Variants in SLF2 observed in about 807,000 individuals in gnomAD.
SLF2 encodes SMC5/6 complex localization factor 2.
SLF2 carries 68 observed loss-of-function variants against 124.3 expected under a neutral mutation model. That is an observed-to-expected ratio of 0.55 (90% CI 0.45 to 0.67). SLF2 has a LOEUF of 0.67. Among genes scored for constraint, SLF2 ranks in the 30% least tolerant of loss-of-function variants. The probability of loss-of-function intolerance (pLI) is 0.00; values close to 1 mark genes in which losing one functional copy is unlikely to be tolerated. For synonymous variants in SLF2, 480 were observed against 478.8 expected (o/e 1.00, Z -0.03); for missense variants, 1,246 against 1,373.7 (o/e 0.91, Z 1.47).
chr10:100,953,476 T>A (rs913586547), intron 17 of SLF2, among the ~76,000 whole-genome samples: 6 of 150,182 alleles, frequency 4.0e-5, no homozygotes, highest in South Asian at 2.1e-4. Context: ...AAAAAAAAAA[T>A]TTAGTGATTA....
intron 7 of SLF2, among the ~76,000 whole-genome samples, 154 bp from the exon 8 acceptor site, chr10:100,929,676 A>T (rs930596295): frequency 1.3e-5 from 2 of 152,224 alleles, no homozygotes; most frequent in Non-Finnish European, 2.9e-5. Context: ...CAACTACAAA[A>T]AGTGGAAGAA....
chr10:100,916,570 A>T lies in SLF2; in HGVS notation c.185A>T (p.Asp62Val). ...IDFFKPASKQ[D>V]RHMLDSPQKS... ...GTATGTGTTTTAATTGGCTATTTAG[A>T]CAGACACATGTTGGATTCACCACAA... Residue 62 changes from aspartate (D) to valine (V), a missense_variant and splice_region_variant, in exon 3 of 20, where the codon GAC (aspartate) becomes GTC (valine). Coordinates refer to ENST00000238961, the MANE Select transcript of SLF2 (RefSeq NM_018121.4). The T allele has an allele frequency of 7.4e-7, 1 of 1,349,736 alleles. No homozygotes were observed. Among genetic ancestry groups the T allele is most frequent in the Non-Finnish European group, 9.6e-7 (1 of 1,043,398 alleles). 83.6% of individuals were successfully genotyped at this position (1,349,736 alleles called of 1,614,324 possible).
chr10:100,956,317 T>G (rs1196525880), intron 17 of SLF2, 134 bp from the exon 18 acceptor site: 2 of 626,040 alleles, frequency 3.2e-6, no homozygotes, highest in Non-Finnish European at 5.5e-6. Context: ...ACTGTTACGT[T>G]GAATAGTTAA....
intron 17 of SLF2, among the ~76,000 whole-genome samples, chr10:100,955,562 C>G (rs952355305): frequency 4.6e-5 from 7 of 152,152 alleles, no homozygotes; most frequent in Admixed American, 1.3e-4. Flanking sequence ...GCATTTGACA[C>G]TAGCCTTGGC....
Position 100,937,369 on chromosome 10 carries a change from C to T in SLF2, c.2437-33C>T, listed in dbSNP as rs377160122. On this transcript the variant is annotated intron_variant, in intron 9 of 19. Transcript: ENST00000238961. ...AATGAATGTTTGTGTTTTCTTTCTT[C>T]TTAATATCCTGTCATTTCTCTGCTT... 162 of 1,525,822 alleles carry T rather than the reference C, an allele frequency of 1.1e-4. 1 individual carries two copies. Among genetic ancestry groups the T allele is most frequent in the Non-Finnish European group, 3.0e-5 (33 of 1,100,482 alleles). 94.5% of individuals were successfully genotyped at this position (1,525,822 alleles called of 1,614,324 possible). A position where few individuals can be genotyped will look rare whatever the true frequency, so the allele number is the denominator to read the frequency against.
At position 100,913,791 on chromosome 10, in the gene SLF2, T is replaced by C. The variant is rs1849367381; in HGVS notation, c.140+541T>C. 17 of 985,762 alleles carry C rather than the reference T, an allele frequency of 1.7e-5. No homozygotes were observed. In the South Asian group the frequency reaches 8.0e-4, roughly 46 times the overall value. The allele number at this position is 985,762 out of a possible 1,614,324, so 61.1% of individuals were successfully genotyped here. A position where few individuals can be genotyped will look rare whatever the true frequency, so the allele number is the denominator to read the frequency against. On this transcript the variant is annotated intron_variant, in intron 1 of 19. Transcript: ENST00000238961. ...GTAACTTCACGCCTCTCCAAGAGGC[T>C]AATTTTTTTGTAAAGATTTTGTGGG...
Position 100,924,400 on chromosome 10 carries a change from AAGG to A in SLF2, c.1402_1404del (p.Glu468del), listed in dbSNP as rs1849573544. The A allele has an allele frequency of 1.2e-6, 2 of 1,614,152 alleles. No individual in the cohort carries two copies. Among genetic ancestry groups the A allele is most frequent in the South Asian group, 2.2e-5 (2 of 91,082 alleles). On this transcript the variant is annotated inframe_deletion, in exon 5 of 20. Coordinates refer to ENST00000238961, the MANE Select transcript of SLF2 (RefSeq NM_018121.4). ...AAATAAAACCGCTAGCTCCACGACA[AAGG>A]AGAAGGAGACAAAACTACCTTTACT...
Position 100,931,467 on chromosome 10 carries a change from G to GT in SLF2, c.2436+399dup, listed in dbSNP as rs146378921. ...TAATATTTCCCCATTCGTATATATG[G>GT]TTTTTTTTTTGGATGCAAATCCAAC... On this transcript the variant is annotated intron_variant, in intron 9 of 19. Transcript: ENST00000238961. 4.3e-4 allele frequency among the ~76,000 whole-genome samples: 63 copies of GT among 147,576 alleles called. 1 individual carries two copies. In the East Asian group the frequency reaches 6.7e-3, roughly 16 times the overall value.
intron 13 of SLF2, among the ~76,000 whole-genome samples, chr10:100,946,078 G>A (rs1850098565): frequency 6.6e-6 from 1 of 152,078 alleles, no homozygotes. Context: ...TATAATTTTT[G>A]TTAGGCCTTT....
rs537223341 is a variant in SLF2, at chr10:100,940,820, C to CTCCTTCCTTCCTTCCT, written c.2654+2100_2654+2115dup. ...GCCCCTCCCCCTGCCCCTGCCCCTT[C>CTCCTTCCTTCCTTCCT]TCCTTCCTTCCTTCCTTCCTTCCTT... On this transcript the variant is annotated intron_variant, in intron 11 of 19. Coordinates refer to ENST00000238961, the MANE Select transcript of SLF2 (RefSeq NM_018121.4). 3.8e-3 allele frequency among the ~76,000 whole-genome samples: 382 copies of CTCCTTCCTTCCTTCCT among 101,164 alleles called. 2 individuals are homozygous for CTCCTTCCTTCCTTCCT. The highest frequency in any genetic ancestry group is 0.011 in the African/African-American group (337 of 29,388). The allele number at this position is 101,164 out of a possible 152,430, so 66.4% of individuals were successfully genotyped here.
intron 6 of SLF2, chr10:100,926,517 A>C: frequency 3.0e-6 from 1 of 330,516 alleles, no homozygotes; most frequent in Non-Finnish European, 5.4e-6. Context: ...GGTTGGGAGG[A>C]TCACCTGAGC....
Position 100,916,632 on chromosome 10 carries a change from A to G in SLF2, c.247A>G (p.Ile83Val), listed in dbSNP as rs41291452. Reference sequence around the variant, plus strand: ...CAAATATGGAGGAAGTAGATTGTCTATCACTGGGACAGAGCAGTTTGAAAG... The same window carrying G: ...CAAATATGGAGGAAGTAGATTGTCTGTCACTGGGACAGAGCAGTTTGAAAG... ...NIKYGGSRLS[I>V]TGTEQFERKL... is the part of the protein sequence containing the mutation. Residue 83 changes from isoleucine (I) to valine (V), a missense_variant, in exon 3 of 20, where the codon ATC (isoleucine) becomes GTC (valine). This residue lies in a region of SLF2 where 698 missense variants were observed against 708.9 expected (regional missense o/e 0.98). Coordinates refer to ENST00000238961, the MANE Select transcript of SLF2 (RefSeq NM_018121.4). 6.7e-6 allele frequency: 10 copies of G among 1,482,810 alleles called. No individual in the cohort carries two copies. Among genetic ancestry groups the G allele is most frequent in the Admixed American group, 2.5e-5 (1 of 39,474 alleles). The allele number at this position is 1,482,810 out of a possible 1,614,324, so 91.9% of individuals were successfully genotyped here. A position where few individuals can be genotyped will look rare whatever the true frequency, so the allele number is the denominator to read the frequency against.
intron 1 of SLF2, chr10:100,913,669 G>A: frequency 9.9e-7 from 1 of 1,014,658 alleles, no homozygotes; most frequent in Non-Finnish European, 1.2e-6. Context: ...CTGTGATGAG[G>A]GAATCCCTTC....
At chr10:100,958,833 G>C (rs1819211612) in intron 18 of SLF2, among the ~76,000 whole-genome samples, 1 of 152,142 alleles carries the variant, frequency 6.6e-6, no homozygotes, top group African/African-American at 2.4e-5. Flanking sequence ...ATAGAGTTTG[G>C]GTTTTGTGTT....
At chr10:100,940,820 C>CCT (rs1554879648) in intron 11 of SLF2, among the ~76,000 whole-genome samples, 5 of 101,066 alleles carry the variant, frequency 4.9e-5, no homozygotes, top group Admixed American at 2.4e-4. Context: ...CCTGCCCCTT[C>CCT]TCCTTCCTTC....
At position 100,944,021 on chromosome 10, in the gene SLF2, A is replaced by G; in HGVS notation, c.2655-5A>G. On this transcript the variant is annotated splice_region_variant and splice_polypyrimidine_tract_variant and intron_variant, in intron 11 of 19. Transcript: ENST00000238961. ...CTTCACATTGCTTTACTCACTTCTC[A>G]ATAGTTCTGAAACACAGACAACATC... 6.3e-7 allele frequency: 1 copy of G among 1,599,094 alleles called. No homozygotes were observed. The highest frequency in any genetic ancestry group is 8.5e-7 in the Non-Finnish European group (1 of 1,172,212).
intron 9 of SLF2, among the ~76,000 whole-genome samples, chr10:100,936,927 C>T: frequency 6.6e-6 from 1 of 151,452 alleles, no homozygotes; most frequent in East Asian, 1.9e-4. Context: ...TAAATTCCAC[C>T]TTCTCCACGT....
At chr10:100,929,514 T>A in intron 7 of SLF2, 75 bp downstream of exon 7, 1 of 1,323,684 alleles carries the variant, frequency 7.6e-7, no homozygotes, top group South Asian at 1.6e-5. Context: ...GTAAAATAAA[T>A]GGGCCATTGA....
chr10:100,934,525 G>A (rs1849807021), intron 9 of SLF2, among the ~76,000 whole-genome samples: 1 of 152,060 alleles, frequency 6.6e-6, no homozygotes, highest in Non-Finnish European at 1.5e-5. Flanking sequence ...CATAGATTGT[G>A]TTCAAAATGA....
Sources: gnomAD v4.1 joint callset for allele counts (sites outside exome capture counted in the v4.1 genomes callset) on GRCh38, gnomAD v4.1.1 for gene constraint, gnomAD v4.1.1 regional missense constraint, MANE v1.5 for transcripts, NCBI Gene and HGNC (gene_info 2026-07-23, HGNC 2026-07-21) for gene names.